Variants in SLC2A13 observed in about 807,000 individuals in gnomAD.
SLC2A13 encodes the protein proton myo-inositol cotransporter.
SLC2A13 carries 32 observed loss-of-function variants against 64.4 expected under a neutral mutation model. The ratio of observed to expected loss-of-function variants is 0.50; its 90% confidence interval spans 0.37 to 0.67. SLC2A13 has a LOEUF of 0.67. Ranked by LOEUF, SLC2A13 falls within the 30% of genes least tolerant of loss-of-function variation. The pLI is 0.00. For synonymous variants in SLC2A13, 338 were observed against 327.1 expected, an observed-to-expected ratio of 1.03 and a Z score of -0.36; for missense variants, 743 against 829.2, an observed-to-expected ratio of 0.90 and a Z score of 1.28.
At chr12:39,785,203 G>A (rs1941142348) in intron 7 of SLC2A13, among the ~76,000 whole-genome samples, 1 of 152,144 alleles carries the variant, frequency 6.6e-6, no homozygotes. Context: ...AGGCCCAGGA[G>A]GAATAAGTGG....
intron 7 of SLC2A13, among the ~76,000 whole-genome samples, chr12:39,782,485 A>T (rs182383156): frequency 5.3e-4 from 80 of 152,268 alleles, no homozygotes; most frequent in Admixed American, 1.3e-3. Flanking sequence ...GCCTCTCACC[A>T]TGATTCTGAG....
At chr12:39,764,119 C>G (rs548119071) in intron 9 of SLC2A13, among the ~76,000 whole-genome samples, 3 of 152,132 alleles carry the variant, frequency 2.0e-5, no homozygotes, top group African/African-American at 7.2e-5. Flanking sequence ...ATCTTTTTAC[C>G]ATTTTCTGTT....
At chr12:39,816,625 T>G (rs1370310017) in intron 7 of SLC2A13, among the ~76,000 whole-genome samples, 2 of 151,170 alleles carry the variant, frequency 1.3e-5, no homozygotes, top group Non-Finnish European at 3.0e-5. Flanking sequence ...AATACAAGAA[T>G]TATATTAGTA....
intron 4 of SLC2A13, among the ~76,000 whole-genome samples, chr12:39,943,179 G>A (rs550073530): frequency 1.3e-5 from 2 of 152,168 alleles, no homozygotes; most frequent in Non-Finnish European, 2.9e-5. Context: ...TCCTGTATGA[G>A]GTGTCTGTCG....
chr12:39,929,414 G>A (rs1945783329), intron 4 of SLC2A13, among the ~76,000 whole-genome samples: 1 of 152,030 alleles, frequency 6.6e-6, no homozygotes, highest in Non-Finnish European at 1.5e-5. Context: ...AGCCAGGTGT[G>A]GTGGTGGGAA....
chr12:40,004,331 T>C (rs1947373682), intron 3 of SLC2A13, among the ~76,000 whole-genome samples: 1 of 152,056 alleles, frequency 6.6e-6, no homozygotes. Flanking sequence ...ATTACAGGAA[T>C]GTGCCACCAT....
intron 4 of SLC2A13, among the ~76,000 whole-genome samples, chr12:39,910,725 T>TC (rs1945409360): frequency 6.6e-6 from 1 of 151,996 alleles, no homozygotes; most frequent in Non-Finnish European, 1.5e-5. Flanking sequence ...TATGTATGAC[T>TC]ATATGTGTGG....
At chr12:39,839,688 G>A (rs533964387) in intron 6 of SLC2A13, among the ~76,000 whole-genome samples, 72 of 151,856 alleles carry the variant, frequency 4.7e-4, no homozygotes, top group South Asian at 1.7e-3. Flanking sequence ...TTCTGTTCTG[G>A]GCCATCTACT....
chr12:40,052,323 A>G (rs1948272591), intron 1 of SLC2A13, among the ~76,000 whole-genome samples: 1 of 152,124 alleles, frequency 6.6e-6, no homozygotes. Flanking sequence ...TCTTCGCCAG[A>G]ATAACCTGTC....
Position 39,756,851 on chromosome 12 carries a change from T to C in SLC2A13, c.*3175A>G, listed in dbSNP as rs557322831. On this transcript the variant is annotated 3_prime_UTR_variant, in exon 10 of 10. Transcript: ENST00000280871. ...AGACTCTTATGTACTAAAATCAGGTTCAGTGGTAAAATTAAATTATGAAAA... is the reference window on the plus strand; with the variant it reads ...AGACTCTTATGTACTAAAATCAGGTCCAGTGGTAAAATTAAATTATGAAAA... 12 of 151,736 alleles carry C rather than the reference T, an allele frequency of 7.9e-5. No homozygotes were observed. Among genetic ancestry groups the C allele is most frequent in the Non-Finnish European group, 1.8e-4 (12 of 67,702 alleles). 9.4% of individuals were successfully genotyped at this position (151,736 alleles called of 1,614,324 possible).
intron 1 of SLC2A13, among the ~76,000 whole-genome samples, chr12:40,092,436 TA>T (rs918639278): frequency 6.6e-6 from 1 of 152,196 alleles, no homozygotes; most frequent in Non-Finnish European, 1.5e-5. Flanking sequence ...CTGGATGATT[TA>T]AAAGGATCAG....
intron 6 of SLC2A13, chr12:39,835,807 T>C (rs977101747): frequency 1.5e-4 from 23 of 152,132 alleles, no homozygotes; most frequent in African/African-American, 5.5e-4. Flanking sequence ...TATGCTAGTT[T>C]GTACTTGGTT....
chr12:39,958,167 G>A (rs1341172024), intron 3 of SLC2A13, among the ~76,000 whole-genome samples: 2 of 152,136 alleles, frequency 1.3e-5, no homozygotes, highest in African/African-American at 2.4e-5. Flanking sequence ...ACATTGCCAA[G>A]TTTTAATCAG....
intron 3 of SLC2A13, among the ~76,000 whole-genome samples, chr12:39,953,202 A>C (rs183386141): frequency 2.2e-3 from 338 of 152,328 alleles, no homozygotes; most frequent in Middle Eastern, 0.017. Context: ...TTAGGACCAA[A>C]GTTTGACTTG....
intron 2 of SLC2A13, among the ~76,000 whole-genome samples, chr12:40,035,200 G>A (rs1565599176): frequency 6.6e-6 from 1 of 152,054 alleles, no homozygotes; most frequent in Non-Finnish European, 1.5e-5. Context: ...TCTATCCATG[G>A]ATTTACAAAA....
At chr12:39,939,930 T>C (rs1409509571) in intron 4 of SLC2A13, among the ~76,000 whole-genome samples, 2 of 152,146 alleles carry the variant, frequency 1.3e-5, no homozygotes, top group African/African-American at 4.8e-5. Flanking sequence ...TATAGGTAAT[T>C]AGACTGAAAG....
chr12:40,019,197 T>A (rs1284305090), intron 3 of SLC2A13, among the ~76,000 whole-genome samples: 1 of 152,164 alleles, frequency 6.6e-6, no homozygotes, highest in Non-Finnish European at 1.5e-5. Context: ...GAATACAGGC[T>A]CAAGGTGGAA....
chr12:40,058,040 T>C (rs1948359643), intron 1 of SLC2A13, among the ~76,000 whole-genome samples: 1 of 130,730 alleles, frequency 7.6e-6, no homozygotes, highest in Admixed American at 8.0e-5. Context: ...AAAATTTCTC[T>C]CCAGATAGAT....
At position 40,048,079 on chromosome 12, in the gene SLC2A13, AG is replaced by A; in HGVS notation, c.687del (p.Phe230SerfsTer83). On this transcript the variant is annotated frameshift_variant, in exon 2 of 10. Transcript: ENST00000280871. LOFTEE classifies it high-confidence loss of function. ...GQFFASVVDG[A>X]FSYLQKDGWR... ...CATCCATCCTTCTGGAGATAACTGA[AG>A]GCTCCATCAACAACACTTGCAAAGA... is the stretch of plus-strand genomic sequence containing the variant. 1 of 1,612,068 alleles carries A rather than the reference AG, an allele frequency of 6.2e-7. No individual in the cohort carries two copies. Among genetic ancestry groups the A allele is most frequent in the Non-Finnish European group, 8.5e-7 (1 of 1,179,406 alleles).
Sources: gnomAD v4.1 joint callset for allele counts (sites outside exome capture counted in the v4.1 genomes callset) on GRCh38, gnomAD v4.1.1 for gene constraint, MANE v1.5 for transcripts, NCBI Gene and HGNC (gene_info 2026-07-23, HGNC 2026-07-21) for gene names.